The following GALNT2 variants were observed in gnomAD, a reference collection of about 807,000 sequenced individuals.
GALNT2 encodes UDP-GalNAc:polypeptide N-acetylgalactosaminyltransferase 2.
In GALNT2, 31 loss-of-function variants were observed where a neutral mutation model predicts 81.4. That is an observed-to-expected ratio of 0.38 (90% CI 0.29 to 0.51). GALNT2 has a LOEUF of 0.51. Ranked by LOEUF, GALNT2 falls within the 20% of genes least tolerant of loss-of-function variation. The probability of loss-of-function intolerance (pLI) is 0.87; values close to 1 mark genes in which losing one functional copy is unlikely to be tolerated. For synonymous variants in GALNT2, 303 were observed against 287.4 expected (o/e 1.05, Z -0.55); for missense variants, 629 against 765.7 (o/e 0.82, Z 2.11).
At chr1:230,241,683 G>A (rs2102740319) in intron 6 of GALNT2, among the ~76,000 whole-genome samples, 1 of 152,236 alleles carries the variant, frequency 6.6e-6, no homozygotes, top group East Asian at 1.9e-4. Flanking sequence ...CTGACCTCAG[G>A]TGATCTGCCC....
intron 1 of GALNT2, among the ~76,000 whole-genome samples, chr1:230,084,081 G>A (rs1317342080): frequency 6.6e-6 from 1 of 152,140 alleles, no homozygotes; most frequent in Non-Finnish European, 1.5e-5. Context: ...TCCCTGATTT[G>A]CCTGGAGCCT....
rs186583189 is a variant in GALNT2 at position 230,096,629 on chromosome 1, C to T, written c.126+29223C>T. Among the ~76,000 whole-genome samples the T allele has an allele frequency of 2.4e-3, 368 of 152,332 alleles. 1 individual carries two copies. The highest frequency in any genetic ancestry group is 3.7e-3 in the Admixed American group (56 of 15,312). On this transcript the variant is annotated intron_variant, in intron 1 of 15. Coordinates refer to ENST00000366672, the MANE Select transcript of GALNT2 (RefSeq NM_004481.5). ...TCAATTCATAATTAATTTCTTCCAACCTCCCTCCCTGCTCCCATCCTTGGC... is the reference window on the plus strand; with the variant it reads ...TCAATTCATAATTAATTTCTTCCAATCTCCCTCCCTGCTCCCATCCTTGGC...
intron 1 of GALNT2, among the ~76,000 whole-genome samples, chr1:230,083,468 T>G (rs1258463009): frequency 1.1e-4 from 15 of 135,542 alleles, no homozygotes; most frequent in African/African-American, 2.8e-4. Flanking sequence ...GAGCAGACAG[T>G]TGGGATGATG....
At chr1:230,209,513 C>T (rs933975453) in intron 3 of GALNT2, among the ~76,000 whole-genome samples, 14 of 152,300 alleles carry the variant, frequency 9.2e-5, no homozygotes, top group African/African-American at 2.9e-4. Context: ...GTACCTTGAG[C>T]TGAGCTTCCA....
chr1:230,265,873 A>C (rs1666023383), intron 14 of GALNT2, among the ~76,000 whole-genome samples: 1 of 152,228 alleles, frequency 6.6e-6, no homozygotes, highest in Admixed American at 6.5e-5. Flanking sequence ...CATTGCACAC[A>C]TACACACCTT....
chr1:230,138,637 T>C (rs186276010), intron 1 of GALNT2, among the ~76,000 whole-genome samples: 24 of 152,230 alleles, frequency 1.6e-4, no homozygotes, highest in Non-Finnish European at 2.9e-4. Context: ...GATCATATGC[T>C]AAATAAGAGG....
At chr1:230,262,865 T>G in intron 12 of GALNT2, 57 bp from the exon 13 acceptor site, 1 of 1,540,580 alleles carries the variant, frequency 6.5e-7, no homozygotes, top group Non-Finnish European at 9.0e-7. Flanking sequence ...AAGTTTGATG[T>G]AGAAAGCCCA....
intron 3 of GALNT2, among the ~76,000 whole-genome samples, chr1:230,231,453 T>C (rs1664862835): frequency 6.6e-6 from 1 of 152,126 alleles, no homozygotes; most frequent in South Asian, 2.1e-4. Flanking sequence ...ATTTCTTTGT[T>C]CCTCCCAACA....
intron 1 of GALNT2, among the ~76,000 whole-genome samples, chr1:230,154,614 G>A (rs1386223622): frequency 6.6e-6 from 1 of 152,072 alleles, no homozygotes; most frequent in East Asian, 1.9e-4. Context: ...TAGTATGACT[G>A]GTGTCCTTAT....
At position 230,271,833 on chromosome 1, in the gene GALNT2, G is replaced by A. The variant is rs755356406; in HGVS notation, c.1441-2612G>A. On this transcript the variant is annotated intron_variant, in intron 14 of 15. Transcript: ENST00000366672. This position sits in a 1 kb window ranked among gnomAD's most constrained non-coding sequence, Gnocchi z 4.2. The stretch of plus-strand genomic sequence containing the variant: ...CCACATCCCGGAGTGCAAGGACTTT[G>A]ACGGAGGCCTCATCACATGGGCATG... 1.3e-5 allele frequency among the ~76,000 whole-genome samples: 2 copies of A among 152,242 alleles called. No individual in the cohort carries two copies. Among genetic ancestry groups the A allele is most frequent in the Non-Finnish European group, 2.9e-5 (2 of 68,042 alleles).
intron 2 of GALNT2, among the ~76,000 whole-genome samples, chr1:230,196,507 T>G (rs1663699269): frequency 6.6e-6 from 1 of 152,228 alleles, no homozygotes; most frequent in African/African-American, 2.4e-5. Context: ...ATAAAATGTC[T>G]GTCTTATGAG....
intron 1 of GALNT2, among the ~76,000 whole-genome samples, chr1:230,123,118 T>C (rs908120976): frequency 6.6e-6 from 1 of 152,210 alleles, no homozygotes; most frequent in Non-Finnish European, 1.5e-5. Flanking sequence ...GTTCAGAACA[T>C]TGTTGAACCT....
intron 2 of GALNT2, among the ~76,000 whole-genome samples, chr1:230,183,760 C>G (rs1187171060): frequency 1.3e-5 from 2 of 152,088 alleles, no homozygotes; most frequent in African/African-American, 4.8e-5. Context: ...GGCAGATCAC[C>G]TGAAGTCAGG....
At chr1:230,111,086 T>C (rs527539655) in intron 1 of GALNT2, among the ~76,000 whole-genome samples, 201 of 152,364 alleles carry the variant, frequency 1.3e-3, no homozygotes, top group Non-Finnish European at 1.7e-3. Context: ...ACACACTGCA[T>C]GTGTCTGCAT....
At chr1:230,174,187 C>T (rs2102860153) in intron 1 of GALNT2, among the ~76,000 whole-genome samples, 1 of 152,300 alleles carries the variant, frequency 6.6e-6, no homozygotes, top group South Asian at 2.1e-4. Context: ...ACTCCAACAC[C>T]CACTGCCATT....
At chr1:230,110,714 G>GTGTTTTT (rs1553257212) in intron 1 of GALNT2, among the ~76,000 whole-genome samples, 5 of 137,658 alleles carry the variant, frequency 3.6e-5, no homozygotes, top group East Asian at 2.1e-4. Flanking sequence ...GTGCTTTTCT[G>GTGTTTTT]TTTTTTTTTT....
At chr1:230,145,215 T>C (rs1441027608) in intron 1 of GALNT2, among the ~76,000 whole-genome samples, 1 of 151,468 alleles carries the variant, frequency 6.6e-6, no homozygotes, top group African/African-American at 2.4e-5. Context: ...GATCGCCCCC[T>C]GTGTTGCTTG....
At chr1:230,105,835 A>T (rs999024722) in intron 1 of GALNT2, among the ~76,000 whole-genome samples, 4 of 152,140 alleles carry the variant, frequency 2.6e-5, no homozygotes, top group Admixed American at 2.0e-4. Context: ...CTTGTTCAAG[A>T]TGGACAACTA....
chr1:230,239,570 A>G (rs780966597), intron 6 of GALNT2, among the ~76,000 whole-genome samples: 4 of 152,216 alleles, frequency 2.6e-5, no homozygotes, highest in Non-Finnish European at 5.9e-5. Flanking sequence ...CAGTCTCTCT[A>G]CATCCTTCTG....
Sources: allele counts gnomAD v4.1 joint callset (sites outside exome capture counted in the v4.1 genomes callset), GRCh38; gene constraint gnomAD v4.1.1; non-coding constraint Gnocchi (gnomAD v3.1); transcripts MANE v1.5; gene names NCBI Gene and HGNC (gene_info 2026-07-23, HGNC 2026-07-21).